Variants in ZNF500 observed in about 807,000 individuals in gnomAD.
ZNF500 encodes zinc finger protein 500, also known as zinc finger protein with KRAB and SCAN domains 18.
In ZNF500, 31 loss-of-function variants were observed where a neutral mutation model predicts 30.1. That is an observed-to-expected ratio of 1.03 (90% CI 0.77 to 1.39). The LOEUF (loss-of-function observed/expected upper bound fraction) is 1.39. ZNF500 is among the 40% of genes most tolerant of loss of function. ZNF500 has a pLI of 0.00. For missense variants in ZNF500, 817 were observed against 657.8 expected (o/e 1.24, Z -2.65); for synonymous variants, 392 against 282.0 (o/e 1.39, Z -3.91).
chr16:4,766,045 CCAGA>C lies in ZNF500; in HGVS notation c.-71_-68del. ...AACCTGTCTCTCTCTATACCTCTGG[CCAGA>C]CACAGGAAGAGAGTTTTTTTCAGGG... On this transcript the variant is annotated 5_prime_UTR_variant, in exon 2 of 6. Transcript: ENST00000219478. 1 of 1,487,820 alleles carries C rather than the reference CCAGA, an allele frequency of 6.7e-7. No homozygotes were observed. The highest frequency in any genetic ancestry group is 2.3e-5 in the Admixed American group (1 of 43,252). 92.2% of individuals were successfully genotyped at this position (1,487,820 alleles called of 1,614,324 possible). A position where few individuals can be genotyped will look rare whatever the true frequency, so the allele number is the denominator to read the frequency against.
chr16:4,745,822 G>A (rs2082007971), downstream of ZNF500, among the ~76,000 whole-genome samples: 1 of 152,054 alleles, frequency 6.6e-6, no homozygotes, highest in South Asian at 2.1e-4. Context: ...GCATGTTGGT[G>A]CATGCCTGTA....
At chr16:4,758,863 T>A (rs1297485076) in intron 5 of ZNF500, among the ~76,000 whole-genome samples, 5 of 152,090 alleles carry the variant, frequency 3.3e-5, no homozygotes, top group Non-Finnish European at 7.3e-5. Flanking sequence ...CTTTTGTGCA[T>A]GAAAGGACGC....
At chr16:4,757,775 G>A (rs759385702) in intron 5 of ZNF500, among the ~76,000 whole-genome samples, 2 of 150,116 alleles carry the variant, frequency 1.3e-5, no homozygotes, top group Non-Finnish European at 1.5e-5. Context: ...GCTAATTTTT[G>A]TATTTTTTAG....
rs1376380827 is a variant in ZNF500, at chr16:4,760,613, C to A, written c.664-25G>T. The A allele has an allele frequency of 6.2e-6, 10 of 1,604,590 alleles. No individual in the cohort carries two copies. In the Admixed American group the frequency reaches 1.2e-4, roughly 19 times the overall value. On this transcript the variant is annotated intron_variant, in intron 4 of 5. Coordinates refer to ENST00000219478, the MANE Select transcript of ZNF500 (RefSeq NM_021646.4). ...CCTGCCAGAACGCACCCCACTCAGT[C>A]CTGGCCCCAAGCAAGCTGCCTCCTC...
Position 4,761,884 on chromosome 16 carries a change from C to CAAACA in ZNF500, c.663+386_663+387insTGTTT, listed in dbSNP as rs1567534421. Among the ~76,000 whole-genome samples the CAAACA allele has an allele frequency of 5.7e-3, 859 of 150,970 alleles. 7 individuals carry two copies. The highest frequency in any genetic ancestry group is 0.02 in the African/African-American group (817 of 40,728). ...ACAAACAAACAAACAAACAAACAAACAAAAACCCCAAAAAAACCAGCAAGC... is the reference window on the plus strand; with the variant it reads ...ACAAACAAACAAACAAACAAACAAACAAACAAAAAACCCCAAAAAAACCAGCAAGC... On this transcript the variant is annotated intron_variant, in intron 4 of 5. Coordinates refer to ENST00000219478, the MANE Select transcript of ZNF500 (RefSeq NM_021646.4).
Position 4,749,823 on chromosome 16 carries a change from A to G in ZNF500, c.*2553T>C, listed in dbSNP as rs1449787564. Reference sequence around the variant, plus strand: ...TGAGACTGTGTCTCAAAACAAAACAAAAAAAGGAGACTAATGGGAGTCCCC... The same window carrying G: ...TGAGACTGTGTCTCAAAACAAAACAGAAAAAGGAGACTAATGGGAGTCCCC... On this transcript the variant is annotated 3_prime_UTR_variant, in exon 6 of 6. Transcript: ENST00000219478. 6.6e-6 allele frequency: 1 copy of G among 152,122 alleles called. No homozygotes were observed. Among genetic ancestry groups the G allele is most frequent in the Non-Finnish European group, 1.5e-5 (1 of 68,046 alleles). The allele number at this position is 152,122 out of a possible 1,614,324, so 9.4% of individuals were successfully genotyped here. A position where few individuals can be genotyped will look rare whatever the true frequency, so the allele number is the denominator to read the frequency against.
chr16:4,759,470 C>T (rs1369552639), intron 5 of ZNF500, among the ~76,000 whole-genome samples: 1 of 152,122 alleles, frequency 6.6e-6, no homozygotes, highest in Non-Finnish European at 1.5e-5. Context: ...GCATTATTTA[C>T]AATGGAATAT....
Position 4,757,900 on chromosome 16 carries a change from C to A in ZNF500, c.760+2592G>T, listed in dbSNP as rs570131477. On this transcript the variant is annotated intron_variant, in intron 5 of 5. Transcript: ENST00000219478. ...TACAGGTGTGAGCCACCGCGCCAGC[C>A]AATTTTTTTTTTTTTTTTGACACAG... is the stretch of plus-strand genomic sequence containing the variant. Among the ~76,000 whole-genome samples, 165 of 112,484 alleles carry A rather than the reference C, an allele frequency of 1.5e-3. 6 individuals are homozygous for A. In the South Asian group the frequency reaches 0.042, roughly 29 times the overall value. 73.8% of individuals were successfully genotyped at this position (112,484 alleles called of 152,430 possible). A position where few individuals can be genotyped will look rare whatever the true frequency, so the allele number is the denominator to read the frequency against.
chr16:4,759,090 T>C (rs1371354220), intron 5 of ZNF500, among the ~76,000 whole-genome samples: 2 of 902 alleles, frequency 2.2e-3, no homozygotes, highest in Non-Finnish European at 4.0e-3. Flanking sequence ...ACACCTGTAA[T>C]CCCAGCTACT....
intron 4 of ZNF500, among the ~76,000 whole-genome samples, chr16:4,761,434 C>CT (rs1426569851): frequency 6.6e-6 from 1 of 150,926 alleles, no homozygotes; most frequent in African/African-American, 2.4e-5. Flanking sequence ...GAGCAAAACT[C>CT]TGTCTCAAAA....
At chr16:4,746,546 C>T, downstream of ZNF500, 1 of 1,599,442 alleles carries the variant, frequency 6.3e-7, no homozygotes, top group Non-Finnish European at 8.5e-7. Context: ...ATACCAGCCT[C>T]TACTTTGCAG....
chr16:4,753,416 C>T (rs1470268934), intron 5 of ZNF500, among the ~76,000 whole-genome samples: 5 of 152,170 alleles, frequency 3.3e-5, no homozygotes, highest in Admixed American at 1.3e-4. Context: ...GAGCTGTGAT[C>T]GCGCCACTAC....
chr16:4,764,911 C>T (rs773052628), intron 2 of ZNF500, among the ~76,000 whole-genome samples: 85 of 152,110 alleles, frequency 5.6e-4, no homozygotes, highest in Non-Finnish European at 9.3e-4. Context: ...AACCAAAGTG[C>T]CCCCCATGCC....
chr16:4,751,637 C>A lies in ZNF500; in HGVS notation c.*739G>T. 2 of 1,535,316 alleles carry A rather than the reference C, an allele frequency of 1.3e-6. No homozygotes were observed. The highest frequency in any genetic ancestry group is 1.7e-6 in the Non-Finnish European group (2 of 1,146,700). ...ACGAGGGGTCCCTCAAATTCATGTGCACCCAGACCTCAGAATGTGACCTTA... is the reference window on the plus strand; with the variant it reads ...ACGAGGGGTCCCTCAAATTCATGTGAACCCAGACCTCAGAATGTGACCTTA... On this transcript the variant is annotated 3_prime_UTR_variant, in exon 6 of 6. Coordinates refer to ENST00000219478, the MANE Select transcript of ZNF500 (RefSeq NM_021646.4).
chr16:4,756,999 A>G (rs1315030820), intron 5 of ZNF500, among the ~76,000 whole-genome samples: 2 of 151,954 alleles, frequency 1.3e-5, no homozygotes, highest in East Asian at 3.9e-4. Flanking sequence ...AGAAAAAAAA[A>G]GTTTTGGAAC....
downstream of ZNF500, chr16:4,747,414 T>G (rs749742281): frequency 2.5e-6 from 4 of 1,612,858 alleles, no homozygotes; most frequent in Non-Finnish European, 3.4e-6. Flanking sequence ...CAGCCCGAGC[T>G]GCCTGCCAGC....
At chr16:4,757,012 T>C (rs2082141956) in intron 5 of ZNF500, among the ~76,000 whole-genome samples, 1 of 151,672 alleles carries the variant, frequency 6.6e-6, no homozygotes, top group Non-Finnish European at 1.5e-5. Flanking sequence ...TTTGGAACTA[T>C]GTGTTACTGC....
chr16:4,759,214 CAA>C (rs1182056296), intron 5 of ZNF500, among the ~76,000 whole-genome samples: 2 of 111,170 alleles, frequency 1.8e-5, no homozygotes, highest in Non-Finnish European at 3.9e-5. Flanking sequence ...GACTTCATCT[CAA>C]AAAAAAAAAA....
At chr16:4,762,124 G>C in intron 4 of ZNF500, 147 bp downstream of exon 4, 2 of 921,446 alleles carry the variant, frequency 2.2e-6, no homozygotes, top group East Asian at 2.6e-5. Flanking sequence ...TCCAGGGTTG[G>C]GGCAAAGGGA....
Sources: gnomAD v4.1 joint callset for allele counts (sites outside exome capture counted in the v4.1 genomes callset) on GRCh38, gnomAD v4.1.1 for gene constraint, MANE v1.5 for transcripts, NCBI Gene and HGNC (gene_info 2026-07-23, HGNC 2026-07-21) for gene names.